Variants in HRH1 observed in about 807,000 individuals in gnomAD.
HRH1 encodes histamine H1 receptor.
In HRH1, 6 loss-of-function variants were observed where a neutral mutation model predicts 10.3. The observed-to-expected ratio is 0.58, with a 90% CI of 0.32 to 1.15. The LOEUF is 1.15. HRH1 is among the 50% of genes most tolerant of loss of function. The probability of loss-of-function intolerance (pLI) is 0.05; values close to 1 mark genes in which losing one functional copy is unlikely to be tolerated. For synonymous variants in HRH1, 242 were observed against 236.7 expected (o/e 1.02, Z -0.21); for missense variants, 514 against 615.3 (o/e 0.84, Z 1.74).
intron 1 of HRH1, among the ~76,000 whole-genome samples, chr3:11,173,090 G>A (rs1937185060): frequency 6.6e-6 from 1 of 152,162 alleles, no homozygotes; most frequent in Non-Finnish European, 1.5e-5. Context: ...GGCTGAATAA[G>A]CTTGGAAATG....
At chr3:11,144,510 A>G (rs923450420) in intron 1 of HRH1, among the ~76,000 whole-genome samples, 2 of 6,004 alleles carry the variant, frequency 3.3e-4, no homozygotes, top group Admixed American at 1.8e-3. Context: ...ACACACATAC[A>G]TACACATCAT....
intron 1 of HRH1, among the ~76,000 whole-genome samples, chr3:11,157,953 A>G (rs1438090747): frequency 1.3e-5 from 2 of 152,214 alleles, no homozygotes; most frequent in Non-Finnish European, 2.9e-5. Flanking sequence ...TCCAACCATA[A>G]TATCAGCTCT....
rs1245349137 is a variant in HRH1, at chr3:11,155,856, A to G, written c.-36+1302A>G. On this transcript the variant is annotated intron_variant, in intron 1 of 1. Coordinates refer to ENST00000431010, the MANE Select transcript of HRH1 (RefSeq NM_001098212.2). Reference sequence around the variant, plus strand: ...GGGAGGGTGTACACATGAGAGCATCATTATGCATTATCCCATCACAGCATT... The same window carrying G: ...GGGAGGGTGTACACATGAGAGCATCGTTATGCATTATCCCATCACAGCATT... 2.6e-5 allele frequency among the ~76,000 whole-genome samples: 4 copies of G among 152,200 alleles called. No homozygotes were observed. In the East Asian group the frequency reaches 7.7e-4, roughly 29 times the overall value.
Position 11,234,680 on chromosome 3 carries a change from T to C in HRH1, c.-35-24323T>C, listed in dbSNP as rs887179802. 14 of 1,155,746 alleles carry C rather than the reference T, an allele frequency of 1.2e-5. No individual in the cohort carries two copies. The South Asian group carries it at 1.6e-4, about 13-fold the overall frequency. The allele number at this position is 1,155,746 out of a possible 1,614,324, so 71.6% of individuals were successfully genotyped here. Reference sequence around the variant, plus strand: ...TTCCCTTCCTGCCGGCAGTAGGACATGGCTGCAGCCCTGCCCTGAGACCTT... The same window carrying C: ...TTCCCTTCCTGCCGGCAGTAGGACACGGCTGCAGCCCTGCCCTGAGACCTT... On this transcript the variant is annotated intron_variant, in intron 1 of 1. Coordinates refer to ENST00000431010, the MANE Select transcript of HRH1 (RefSeq NM_001098212.2).
chr3:11,222,961 C>T (rs1938756840), intron 1 of HRH1, among the ~76,000 whole-genome samples: 1 of 151,352 alleles, frequency 6.6e-6, no homozygotes, highest in Non-Finnish European at 1.5e-5. Flanking sequence ...CCAAGGCAGG[C>T]GGATCATGAG....
chr3:11,241,405 C>T (rs1243325220), intron 1 of HRH1, among the ~76,000 whole-genome samples: 6 of 152,108 alleles, frequency 3.9e-5, no homozygotes, highest in African/African-American at 1.4e-4. Context: ...GCCAGCTGGA[C>T]TCCCTGGGTG....
intron 1 of HRH1, among the ~76,000 whole-genome samples, chr3:11,246,758 T>C (rs1415118851): frequency 6.6e-6 from 1 of 152,096 alleles, no homozygotes; most frequent in East Asian, 1.9e-4. Context: ...TAAAAACAAA[T>C]CATGGCTGGG....
intron 1 of HRH1, among the ~76,000 whole-genome samples, chr3:11,230,764 T>C (rs1939017776): frequency 6.6e-6 from 1 of 152,218 alleles, no homozygotes; most frequent in South Asian, 2.1e-4. Context: ...TGGCTGGGAA[T>C]CTGGGAGTGC....
intron 1 of HRH1, among the ~76,000 whole-genome samples, chr3:11,241,910 C>T (rs1200762821): frequency 6.6e-6 from 1 of 151,942 alleles, no homozygotes; most frequent in Non-Finnish European, 1.5e-5. Flanking sequence ...GTAAAACGCA[C>T]CAATCAGCAC....
intron 1 of HRH1, among the ~76,000 whole-genome samples, chr3:11,220,453 G>A (rs1224819484): frequency 2.0e-5 from 3 of 152,204 alleles, no homozygotes; most frequent in Non-Finnish European, 2.9e-5. Flanking sequence ...TGAGGCTGCC[G>A]GTGCTTGGGT....
Position 11,260,090 on chromosome 3 carries a change from G to T in HRH1, c.1053G>T (p.Met351Ile), listed in dbSNP as rs200547768. 6.2e-7 allele frequency: 1 copy of T among 1,614,132 alleles called. No individual in the cohort carries two copies. Among genetic ancestry groups the T allele is most frequent in the Non-Finnish European group, 8.5e-7 (1 of 1,180,024 alleles). Residue 351 changes from methionine to isoleucine, a missense_variant, in exon 2 of 2, where the codon ATG becomes ATT. Transcript: ENST00000431010. ...HGASEISEDQMLGDSQSFSRT... is the reference protein window; with the variant it reads ...HGASEISEDQILGDSQSFSRT... ...CCAGCGAGATATCAGAGGATCAGAT[G>T]TTAGGTGATAGCCAATCCTTCTCTC...
chr3:11,192,400 A>G (rs1316411788), intron 1 of HRH1, among the ~76,000 whole-genome samples: 4 of 152,056 alleles, frequency 2.6e-5, no homozygotes, highest in Non-Finnish European at 5.9e-5. Context: ...GTTGTTGTGT[A>G]TAGCTGTAGT....
rs1167231023 is a variant in HRH1 at position 11,192,018 on chromosome 3, G to A, written c.-36+37464G>A. Among the ~76,000 whole-genome samples, 4 of 152,300 alleles carry A rather than the reference G, an allele frequency of 2.6e-5. No individual in the cohort carries two copies. The South Asian group carries it at 6.2e-4, about 24-fold the overall frequency. ...GGGTGGACAAAGATGGACATGGTTT[G>A]AGCCCCCTGTCCCCTTGGGTTTCAT... is the stretch of plus-strand genomic sequence containing the variant. On this transcript the variant is annotated intron_variant, in intron 1 of 1. Coordinates refer to ENST00000431010, the MANE Select transcript of HRH1 (RefSeq NM_001098212.2).
intron 1 of HRH1, among the ~76,000 whole-genome samples, chr3:11,194,414 C>T (rs952957675): frequency 1.3e-5 from 2 of 152,206 alleles, no homozygotes; most frequent in Admixed American, 1.3e-4. Flanking sequence ...ACCTCAGGCT[C>T]CCACCCCGTC....
At chr3:11,171,052 G>A (rs1044809661) in intron 1 of HRH1, among the ~76,000 whole-genome samples, 2 of 151,744 alleles carry the variant, frequency 1.3e-5, no homozygotes, top group Admixed American at 1.3e-4. Context: ...TCATCAAAAT[G>A]TGTCTGTTTA....
intron 1 of HRH1, among the ~76,000 whole-genome samples, chr3:11,178,199 G>A (rs188818497): frequency 0.023 from 3,553 of 152,258 alleles, 54 homozygotes; most frequent in Middle Eastern, 0.044. Context: ...CCAGGTTCAA[G>A]TCCCTCGCCA....
intron 1 of HRH1, among the ~76,000 whole-genome samples, chr3:11,155,782 A>G (rs1191104493): frequency 6.6e-6 from 1 of 152,162 alleles, no homozygotes; most frequent in Non-Finnish European, 1.5e-5. Flanking sequence ...TGAGGGTCTT[A>G]TAGGAAGAGT....
chr3:11,187,303 A>G (rs1224975146), intron 1 of HRH1, among the ~76,000 whole-genome samples: 1 of 152,208 alleles, frequency 6.6e-6, no homozygotes, highest in African/African-American at 2.4e-5. Context: ...GGCTCCTAAG[A>G]AACTGGGATG....
At chr3:11,139,697 G>C (rs1319517370) in intron 1 of HRH1, among the ~76,000 whole-genome samples, 1 of 152,190 alleles carries the variant, frequency 6.6e-6, no homozygotes. Context: ...ATGAAGTACA[G>C]ACACATACCA....
Sources: allele counts gnomAD v4.1 joint callset (sites outside exome capture counted in the v4.1 genomes callset), GRCh38; gene constraint gnomAD v4.1.1; transcripts MANE v1.5; gene names NCBI Gene and HGNC (gene_info 2026-07-23, HGNC 2026-07-21).